Variants in CCNY observed in about 807,000 individuals in gnomAD.
CCNY encodes the protein cyclin-Y.
In CCNY, 19 loss-of-function variants were observed where a neutral mutation model predicts 42.8. The observed-to-expected ratio is 0.44, with a 90% confidence interval of 0.31 to 0.65. The LOEUF is 0.65. CCNY is among the 30% of genes least tolerant of loss of function. The pLI, the probability that CCNY is intolerant of heterozygous loss-of-function variation, is 0.07. For synonymous variants in CCNY, 165 were observed against 162.7 expected, an observed-to-expected ratio of 1.01 and a Z score of -0.11; for missense variants, 370 against 437.3, an observed-to-expected ratio of 0.85 and a Z score of 1.37.
intron 1 of CCNY, among the ~76,000 whole-genome samples, chr10:35,380,371 C>T (rs1258855546): frequency 6.6e-6 from 1 of 152,196 alleles, no homozygotes; most frequent in African/African-American, 2.4e-5. Context: ...TGATTTCCAC[C>T]TGGGAATCCT....
chr10:35,429,345 CTT>C (rs759469941), intron 1 of CCNY, among the ~76,000 whole-genome samples: 1 of 152,160 alleles, frequency 6.6e-6, no homozygotes, highest in Non-Finnish European at 1.5e-5. Context: ...CATAAATGAA[CTT>C]ACTATTGTTA....
intron 3 of CCNY, among the ~76,000 whole-genome samples, chr10:35,511,525 A>T (rs1276654717): frequency 6.6e-6 from 1 of 152,226 alleles, no homozygotes; most frequent in Non-Finnish European, 1.5e-5. Context: ...AGGAATGAAC[A>T]GCTCAAGGGA....
chr10:35,565,975 G>T, intron 8 of CCNY, 48 bp from the exon 9 acceptor site: 1 of 1,570,850 alleles, frequency 6.4e-7, no homozygotes, highest in Non-Finnish European at 8.6e-7. Flanking sequence ...AGGCCACGTG[G>T]CCTGGTGTGG....
At chr10:35,433,686 A>G (rs574614215) in intron 1 of CCNY, among the ~76,000 whole-genome samples, 4 of 152,280 alleles carry the variant, frequency 2.6e-5, no homozygotes, top group Admixed American at 2.6e-4. Context: ...ATCTCGGCTT[A>G]CTGCATTCTC....
In CCNY at chr10:35,314,067, C is replaced by T. The variant is rs115413957; in HGVS notation, c.-9+63441C>T. Among the ~76,000 whole-genome samples, 1,029 of 148,948 alleles carry T rather than the reference C, an allele frequency of 6.9e-3. 10 individuals are homozygous for T. Among genetic ancestry groups the T allele is most frequent in the African/African-American group, 0.024 (983 of 40,498 alleles). On this transcript the variant is annotated intron_variant, in intron 3 of 11. Transcript: ENST00000374706. ...TTTTGTTTTCTGATTATGAAACATT[C>T]ATCTTAGAAAACTGGAAAGATAAAC...
At chr10:35,303,182 C>T (rs1835558125) in intron 3 of CCNY, among the ~76,000 whole-genome samples, 1 of 151,934 alleles carries the variant, frequency 6.6e-6, no homozygotes, top group African/African-American at 2.4e-5. Flanking sequence ...GAGTAAGATC[C>T]TGTTTCTTTT....
chr10:35,421,345 G>C (rs1325113967), intron 1 of CCNY, among the ~76,000 whole-genome samples: 1 of 152,172 alleles, frequency 6.6e-6, no homozygotes, highest in Non-Finnish European at 1.5e-5. Flanking sequence ...ATGGGTGCTT[G>C]GCACCACTCT....
intron 2 of CCNY, among the ~76,000 whole-genome samples, chr10:35,485,962 A>G (rs1839780343): frequency 6.6e-6 from 1 of 152,082 alleles, no homozygotes; most frequent in African/African-American, 2.4e-5. Flanking sequence ...GTTTGCACAC[A>G]GTTCCTCATG....
At chr10:35,565,078 T>A (rs1841542166) in intron 8 of CCNY, among the ~76,000 whole-genome samples, 1 of 152,202 alleles carries the variant, frequency 6.6e-6, no homozygotes, top group Admixed American at 6.5e-5. Flanking sequence ...GATAGTTCCC[T>A]CACTGAGAAG....
At chr10:35,443,892 G>T (rs1042395305) in intron 1 of CCNY, among the ~76,000 whole-genome samples, 1 of 152,084 alleles carries the variant, frequency 6.6e-6, no homozygotes, top group African/African-American at 2.4e-5. Flanking sequence ...GATGTTCTAA[G>T]TTGCTAGCCA....
rs1460905884 is a variant in CCNY, at chr10:35,530,304, G to C, written c.579+61G>C. The C allele has an allele frequency of 6.2e-7, 1 of 1,605,212 alleles. No individual in the cohort carries two copies. Among genetic ancestry groups the C allele is most frequent in the Admixed American group, 1.7e-5 (1 of 59,596 alleles). On this transcript the variant is annotated intron_variant, in intron 7 of 9. Coordinates refer to ENST00000374704, the MANE Select transcript of CCNY (RefSeq NM_145012.6). The surrounding 1 kb of genome is among the most constrained non-coding windows in gnomAD (Gnocchi z 4.3). ...CCGAGGTGGTCCAGGGCCCGTTCCT[G>C]TTACTCAGCGGAGTGAGGTTGGAGC...
At chr10:35,565,772 A>C (rs7093556) in intron 8 of CCNY, among the ~76,000 whole-genome samples, 3,557 of 152,252 alleles carry the variant, frequency 0.023, 133 homozygotes, top group African/African-American at 0.08. Context: ...GTTAGATCTC[A>C]GTGAAGTGAT....
intron 1 of CCNY, among the ~76,000 whole-genome samples, chr10:35,414,395 G>A (rs909298477): frequency 1.3e-5 from 2 of 152,226 alleles, no homozygotes; most frequent in Non-Finnish European, 2.9e-5. Context: ...CCCACGTTCC[G>A]TGTCCTGTGG....
intron 1 of CCNY, among the ~76,000 whole-genome samples, chr10:35,376,735 A>C (rs139947019): frequency 1.9e-3 from 284 of 152,368 alleles, no homozygotes; most frequent in African/African-American, 6.7e-3. Context: ...GGAAGTAATG[A>C]TACCTGATAC....
chr10:35,548,666 C>T (rs768365095), intron 7 of CCNY, among the ~76,000 whole-genome samples: 2 of 151,324 alleles, frequency 1.3e-5, no homozygotes, highest in Non-Finnish European at 3.0e-5. Flanking sequence ...GTTGTTTTCG[C>T]GTTGAGTAGG....
chr10:35,270,383 A>G (rs1484237712), intron 3 of CCNY, among the ~76,000 whole-genome samples: 2 of 152,152 alleles, frequency 1.3e-5, no homozygotes, highest in African/African-American at 4.8e-5. Context: ...ATCTAGCACA[A>G]ATAGAAAAAT....
intron 1 of CCNY, among the ~76,000 whole-genome samples, chr10:35,457,355 T>C (rs1326031081): frequency 6.6e-6 from 1 of 152,196 alleles, no homozygotes; most frequent in East Asian, 1.9e-4. Context: ...TTCTTACTTG[T>C]GGTCATATTG....
chr10:35,490,879 G>C (rs1476103802), intron 2 of CCNY, among the ~76,000 whole-genome samples: 4 of 152,206 alleles, frequency 2.6e-5, no homozygotes, highest in Admixed American at 2.6e-4. Flanking sequence ...GAGGGAGGAA[G>C]GTGGTTCCTG....
intron 3 of CCNY, among the ~76,000 whole-genome samples, chr10:35,304,592 G>A (rs1298590389): frequency 6.6e-6 from 1 of 151,212 alleles, no homozygotes; most frequent in Non-Finnish European, 1.5e-5. Flanking sequence ...TTACAGGCGT[G>A]AGCCACCGCT....
Sources: allele counts gnomAD v4.1 joint callset (sites outside exome capture counted in the v4.1 genomes callset), GRCh38; gene constraint gnomAD v4.1.1; non-coding constraint Gnocchi (gnomAD v3.1); transcripts MANE v1.5; gene names NCBI Gene and HGNC (gene_info 2026-07-23, HGNC 2026-07-21).